FAM149A: variants seen among roughly 807,000 people sequenced by gnomAD.
The protein encoded by FAM149A is family with sequence similarity 149 member A.
A neutral mutation model predicts 78.2 loss-of-function variants in FAM149A; 71 were observed. That is an observed-to-expected ratio of 0.91 (90% CI 0.75 to 1.11). The LOEUF (loss-of-function observed/expected upper bound fraction) is 1.11, where lower values mean the gene tolerates loss of function less well. FAM149A is among the 50% of genes least tolerant of loss of function. The pLI, the probability that FAM149A is intolerant of heterozygous loss-of-function variation, is 0.00. For synonymous variants in FAM149A, 446 were observed against 410.5 expected, an observed-to-expected ratio of 1.09 and a Z score of -1.04; for missense variants, 1,036 against 971.0, an observed-to-expected ratio of 1.07 and a Z score of -0.89.
At position 186,113,868 on chromosome 4, in the gene FAM149A, C is replaced by T. The variant is rs2099312349; in HGVS notation, c.566+8226C>T. Among the ~76,000 whole-genome samples the T allele has an allele frequency of 3.3e-5, 5 of 151,978 alleles. No individual in the cohort carries two copies. The South Asian group carries it at 1.0e-3, about 32-fold the overall frequency. ...TGTGGTGCTGAAAAAAATGTATATT[C>T]TGTTGATTTGGGGTGGAGAGTTCTG... On this transcript the variant is annotated intron_variant, in intron 1 of 13. Coordinates refer to ENST00000389354, the MANE Select transcript of FAM149A (RefSeq NM_001367768.3).
rs139050325 is a variant in FAM149A, at chr4:186,128,871, T to G, written c.567-20302T>G. ...TATGGTGTATGCATCTGTATAGGGG[T>G]GTGTGTGTATGGGTGTGTATGTGTG... On this transcript the variant is annotated intron_variant, in intron 1 of 13. Transcript: ENST00000389354. Among the ~76,000 whole-genome samples the G allele has an allele frequency of 2.2e-3, 327 of 151,234 alleles. 1 individual carries two copies. Among genetic ancestry groups the G allele is most frequent in the African/African-American group, 7.4e-3 (306 of 41,232 alleles).
intron 1 of FAM149A, chr4:186,130,289 C>CTATATATATA (rs1257437565): frequency 4.6e-3 from 171 of 36,810 alleles, no homozygotes; most frequent in Non-Finnish European, 5.3e-3. Context: ...CTCTCTCTCT[C>CTATATATATA]TCTCTATATA....
At chr4:186,159,192 G>A (rs1460950429) in intron 8 of FAM149A, among the ~76,000 whole-genome samples, 2 of 152,008 alleles carry the variant, frequency 1.3e-5, no homozygotes, top group Non-Finnish European at 2.9e-5. Flanking sequence ...GTGAATCCTA[G>A]TGATACAAAA....
At chr4:186,125,291 C>T (rs1463799755) in intron 1 of FAM149A, 1 of 985,274 alleles carries the variant, frequency 1.0e-6, no homozygotes, top group South Asian at 4.7e-5. Flanking sequence ...TGCCAGCCAC[C>T]TGCTTCTCGA....
At chr4:186,125,608 C>T (rs6849187) in intron 1 of FAM149A, 343,213 of 705,004 alleles carry the variant, frequency 0.49, 84,368 homozygotes, top group East Asian at 0.63. Flanking sequence ...GGAGAGTCAA[C>T]AGCACAGGCT....
Position 186,163,480 on chromosome 4 carries a change from C to T in FAM149A, c.1736C>T (p.Pro579Leu), listed in dbSNP as rs201598032. Residue 579 changes from proline (P) to leucine (L), a missense_variant, in exon 10 of 14, where the codon CCG becomes CTG. Coordinates refer to ENST00000389354, the MANE Select transcript of FAM149A (RefSeq NM_001367768.3). ...GGGGCAGGTGCTCTCTCCTCCGCAC[C>T]GCACAGACTGGGACGGGCCTCAGAC... 8.4e-4 allele frequency: 1,357 copies of T among 1,614,034 alleles called. 16 individuals are homozygous for T. In the South Asian group the frequency reaches 9.9e-3, roughly 12 times the overall value.
Position 186,151,898 on chromosome 4 carries a change from T to C in FAM149A, c.790-5T>C. The C allele has an allele frequency of 6.2e-7, 1 of 1,613,716 alleles. No homozygotes were observed. The highest frequency in any genetic ancestry group is 8.5e-7 in the Non-Finnish European group (1 of 1,179,774). ...TGTTGTAACCAAGTGTGCATTTCTG[T>C]TTAGGAATTTGACGAAGCCAGTTCA... On this transcript the variant is annotated splice_region_variant and splice_polypyrimidine_tract_variant and intron_variant, in intron 3 of 13. Coordinates refer to ENST00000389354, the MANE Select transcript of FAM149A (RefSeq NM_001367768.3).
At chr4:186,132,269 A>C in intron 1 of FAM149A, 1 of 939,992 alleles carries the variant, frequency 1.1e-6, no homozygotes, top group Non-Finnish European at 1.3e-6. Flanking sequence ...TTAGTTCAAA[A>C]ATCTCAGTGA....
chr4:186,109,439 T>A (rs899677725), intron 1 of FAM149A: 57 of 973,150 alleles, frequency 5.9e-5, no homozygotes, highest in Non-Finnish European at 6.8e-5. Context: ...TCTCGATTCC[T>A]CTGACACTGA....
intron 1 of FAM149A, among the ~76,000 whole-genome samples, chr4:186,121,903 C>G (rs940567067): frequency 6.6e-6 from 1 of 152,138 alleles, no homozygotes; most frequent in African/African-American, 2.4e-5. Context: ...CTGACTCAAG[C>G]GCCCCTGTGA....
intron 1 of FAM149A, among the ~76,000 whole-genome samples, chr4:186,139,023 G>A (rs974007622): frequency 3.3e-5 from 5 of 152,112 alleles, no homozygotes; most frequent in African/African-American, 1.2e-4. Context: ...TTATTTATTT[G>A]TTTATTTCTA....
intron 1 of FAM149A, among the ~76,000 whole-genome samples, chr4:186,113,234 A>G (rs200082230): frequency 0.96 from 24,221 of 25,236 alleles, 11,811 homozygotes; most frequent in South Asian, 1. Flanking sequence ...CTGTGGGATC[A>G]GTGGTGATAT....
chr4:186,136,218 A>G (rs1437741990), intron 1 of FAM149A, among the ~76,000 whole-genome samples: 5 of 152,180 alleles, frequency 3.3e-5, no homozygotes, highest in Admixed American at 6.5e-5. Context: ...TTCATAGAAT[A>G]TGTTTGGATA....
At chr4:186,169,617 A>G in intron 13 of FAM149A, 3 of 985,414 alleles carry the variant, frequency 3.0e-6, no homozygotes, top group Non-Finnish European at 3.6e-6. Flanking sequence ...ATCTAATAGG[A>G]CATTCAGGAA....
chr4:186,170,899 GT>G (rs771807519), intron 13 of FAM149A: 3 of 152,254 alleles, frequency 2.0e-5, no homozygotes, highest in Non-Finnish European at 4.4e-5. Flanking sequence ...TAATTTCGAA[GT>G]CAGGCTGAAC....
rs1733873495 is a variant in FAM149A, at chr4:186,154,491, T to C, written c.1082T>C (p.Ile361Thr). The C allele has an allele frequency of 6.2e-7, 1 of 1,612,288 alleles. No individual in the cohort carries two copies. The highest frequency in any genetic ancestry group is 8.5e-7 in the Non-Finnish European group (1 of 1,179,268). Residue 361 changes from isoleucine (I) to threonine (T), a missense_variant, in exon 6 of 14, where the codon ATA (isoleucine) becomes ACA (threonine). Around this residue, in one of 3 missense-constraint regions of FAM149A, gnomAD observed 716 missense variants for 711.8 expected, o/e 1.01. Transcript: ENST00000389354. ...AGGTTGTGCATTTCTGGCTCTCAAA[T>C]AGTCCCAGCAGCACTCTCAGCCTCT...
chr4:186,154,417 C>T (rs765980851), intron 5 of FAM149A, 51 bp from the exon 6 acceptor site: 15 of 1,462,794 alleles, frequency 1.0e-5, no homozygotes, highest in Middle Eastern at 3.6e-4. Context: ...TTAAGCATTG[C>T]GTTCTTGGTG....
Position 186,105,226 on chromosome 4 carries a change from C to G in FAM149A, c.150C>G (p.Thr50=), listed in dbSNP as rs909430372. 5 of 1,251,704 alleles carry G rather than the reference C, an allele frequency of 4.0e-6. No homozygotes were observed. Among genetic ancestry groups the G allele is most frequent in the Non-Finnish European group, 5.1e-6 (5 of 973,470 alleles). 77.5% of individuals were successfully genotyped at this position (1,251,704 alleles called of 1,614,324 possible). A position where few individuals can be genotyped will look rare whatever the true frequency, so the allele number is the denominator to read the frequency against. Residue 50 remains threonine, a synonymous_variant, in exon 1 of 14, where the codon ACC becomes ACG. Transcript: ENST00000389354. The stretch of plus-strand genomic sequence containing the variant: ...CCAGGGCGGGCACCCCGTTGGGTAC[C>G]GCCCCGACCCTCCTCCGCGCCCTGG...
chr4:186,161,920 C>T (rs1055321257), intron 8 of FAM149A, among the ~76,000 whole-genome samples: 5 of 152,242 alleles, frequency 3.3e-5, no homozygotes, highest in Middle Eastern at 3.4e-3. Context: ...TTTTAATTTA[C>T]TTTAAGTTCT....
Sources: gnomAD v4.1 joint callset for allele counts (sites outside exome capture counted in the v4.1 genomes callset) on GRCh38, gnomAD v4.1.1 for gene constraint, gnomAD v4.1.1 regional missense constraint, MANE v1.5 for transcripts, NCBI Gene and HGNC (gene_info 2026-07-23, HGNC 2026-07-21) for gene names.